The following SLAIN1 variants were observed in gnomAD, a reference collection of about 807,000 sequenced individuals.
SLAIN1 encodes the protein SLAIN motif-containing protein 1.
In SLAIN1, 17 loss-of-function variants were observed where a neutral mutation model predicts 55.4. That is an observed-to-expected ratio of 0.31 (90% CI 0.21 to 0.46). The LOEUF is 0.46. Ranked by LOEUF, SLAIN1 falls within the 20% of genes least tolerant of loss-of-function variation. The probability of loss-of-function intolerance (pLI) is 1.00; values close to 1 mark genes in which losing one functional copy is unlikely to be tolerated. For synonymous variants in SLAIN1, 348 were observed against 337.4 expected, an observed-to-expected ratio of 1.03 and a Z score of -0.35; for missense variants, 682 against 785.1, an observed-to-expected ratio of 0.87 and a Z score of 1.57.
intron 1 of SLAIN1, among the ~76,000 whole-genome samples, chr13:77,707,421 A>G (rs1350756700): frequency 2.0e-5 from 3 of 151,698 alleles, no homozygotes; most frequent in East Asian, 1.9e-4. Context: ...TCGTCTTGAC[A>G]TTTTCATCTG....
At chr13:77,761,245 C>T in intron 6 of SLAIN1, 135 bp downstream of exon 6, 2 of 848,054 alleles carry the variant, frequency 2.4e-6, no homozygotes, top group South Asian at 1.7e-5. Flanking sequence ...GTGCTCTCCT[C>T]CCTTTGAAAA....
intron 5 of SLAIN1, among the ~76,000 whole-genome samples, chr13:77,759,971 C>T (rs1236658124): frequency 6.6e-6 from 1 of 152,026 alleles, no homozygotes; most frequent in Non-Finnish European, 1.5e-5. Flanking sequence ...GGGTCTTTTT[C>T]CCCCTTATAT....
At chr13:77,726,748 T>C (rs955460129) in intron 2 of SLAIN1, among the ~76,000 whole-genome samples, 16 of 152,200 alleles carry the variant, frequency 1.1e-4, no homozygotes, top group Admixed American at 1.0e-3. Flanking sequence ...ATTGCAAAAC[T>C]TACTATCCTC....
intron 1 of SLAIN1, among the ~76,000 whole-genome samples, chr13:77,718,405 A>G (rs2091229039): frequency 6.6e-6 from 1 of 152,186 alleles, no homozygotes; most frequent in Admixed American, 6.5e-5. Context: ...TAGTTGTGAC[A>G]GAGATCATGT....
intron 2 of SLAIN1, among the ~76,000 whole-genome samples, chr13:77,731,401 G>C (rs910454994): frequency 4.6e-5 from 7 of 152,166 alleles, no homozygotes; most frequent in Non-Finnish European, 1.0e-4. Context: ...AGGAGCAAAA[G>C]AAACTTTTGC....
intron 4 of SLAIN1, among the ~76,000 whole-genome samples, chr13:77,752,108 T>C (rs1207468806): frequency 1.3e-5 from 2 of 152,158 alleles, no homozygotes; most frequent in Non-Finnish European, 2.9e-5. Context: ...TGGTCTTTTT[T>C]ATCTGCAAAC....
At chr13:77,740,990 T>TGC (rs994632253) in intron 2 of SLAIN1, among the ~76,000 whole-genome samples, 34 of 152,218 alleles carry the variant, frequency 2.2e-4, no homozygotes, top group African/African-American at 7.9e-4. Context: ...CATTCTTTCT[T>TGC]GCAATAGACG....
intron 6 of SLAIN1, 97 bp downstream of exon 6, chr13:77,761,207 T>A: frequency 8.3e-7 from 1 of 1,198,736 alleles, no homozygotes; most frequent in Non-Finnish European, 1.2e-6. Context: ...TTAACCTTAG[T>A]AAGACACTAC....
At position 77,698,786 on chromosome 13, in the gene SLAIN1, C is replaced by T. The variant is rs556471320; in HGVS notation, c.626+247C>T. 4 of 1,268,272 alleles carry T rather than the reference C, an allele frequency of 3.2e-6. No homozygotes were observed. The African/African-American group carries it at 6.0e-5, about 19-fold the overall frequency. The allele number at this position is 1,268,272 out of a possible 1,614,324, so 78.6% of individuals were successfully genotyped here. On this transcript the variant is annotated intron_variant, in intron 1 of 6. Transcript: ENST00000418532. This position sits in a 1 kb window ranked among gnomAD's most constrained non-coding sequence, Gnocchi z 4.1. ...CGGATGAACCGGCCCCCCCTTCCCC[C>T]CATCTGCCATGGGTTCTGCTATTTG...
At chr13:77,701,885 T>C (rs561473531) in intron 1 of SLAIN1, among the ~76,000 whole-genome samples, 42 of 149,162 alleles carry the variant, frequency 2.8e-4, no homozygotes, top group African/African-American at 1.0e-3. Flanking sequence ...TCATCTAGCA[T>C]TAGGTATATC....
At chr13:77,742,517 C>T (rs1274833125) in intron 2 of SLAIN1, among the ~76,000 whole-genome samples, 3 of 151,826 alleles carry the variant, frequency 2.0e-5, no homozygotes, top group African/African-American at 7.3e-5. Context: ...TAATCCAATA[C>T]TGAATTTACA....
intron 1 of SLAIN1, among the ~76,000 whole-genome samples, chr13:77,708,530 G>A (rs1288322241): frequency 2.0e-5 from 3 of 152,172 alleles, no homozygotes; most frequent in Non-Finnish European, 4.4e-5. Flanking sequence ...GCATCTGGCA[G>A]GTGCCCCTCT....
chr13:77,756,700 A>G (rs1248660018), intron 5 of SLAIN1, among the ~76,000 whole-genome samples: 2 of 152,146 alleles, frequency 1.3e-5, no homozygotes, highest in Non-Finnish European at 2.9e-5. Context: ...GAATAATCAC[A>G]TTTATACAAT....
intron 2 of SLAIN1, 137 bp from the exon 3 acceptor site, chr13:77,744,146 A>G (rs1301574630): frequency 1.4e-6 from 1 of 712,140 alleles, no homozygotes; most frequent in South Asian, 1.6e-5. Flanking sequence ...CACGTTGACC[A>G]TTAAATGGTG....
chr13:77,706,482 T>C (rs1270989115), intron 1 of SLAIN1, among the ~76,000 whole-genome samples: 3 of 152,136 alleles, frequency 2.0e-5, no homozygotes, highest in African/African-American at 7.2e-5. Context: ...GTCATACACA[T>C]TTGGCAGTCT....
chr13:77,713,252 G>A (rs1250489133), intron 1 of SLAIN1, among the ~76,000 whole-genome samples: 1 of 151,414 alleles, frequency 6.6e-6, no homozygotes, highest in Non-Finnish European at 1.5e-5. Context: ...CTACTGAATG[G>A]GAGAAAATTT....
At chr13:77,709,195 C>A (rs1201687854) in intron 1 of SLAIN1, among the ~76,000 whole-genome samples, 2 of 151,694 alleles carry the variant, frequency 1.3e-5, no homozygotes, top group South Asian at 4.2e-4. Context: ...TGAAATAAAG[C>A]ATGAAGACAA....
chr13:77,763,066 G>A lies in SLAIN1; in HGVS notation c.1698-79G>A, dbSNP rs1875175770. The A allele has an allele frequency of 3.4e-6, 4 of 1,191,236 alleles. No individual in the cohort carries two copies. In the Admixed American group the frequency reaches 5.3e-5, roughly 16 times the overall value. The allele number at this position is 1,191,236 out of a possible 1,614,324, so 73.8% of individuals were successfully genotyped here. A position where few individuals can be genotyped will look rare whatever the true frequency, so the allele number is the denominator to read the frequency against. On this transcript the variant is annotated intron_variant, in intron 6 of 6. Coordinates refer to ENST00000418532, the MANE Select transcript of SLAIN1 (RefSeq NM_001242868.2). Reference sequence around the variant, plus strand: ...TTACTGCAGTGGAAGAACATAGATGGGAGAGTAGGTCAAAGTGAGTGATGT... The same window carrying A: ...TTACTGCAGTGGAAGAACATAGATGAGAGAGTAGGTCAAAGTGAGTGATGT...
At chr13:77,708,860 C>G (rs1244852813) in intron 1 of SLAIN1, among the ~76,000 whole-genome samples, 3 of 151,970 alleles carry the variant, frequency 2.0e-5, no homozygotes, top group African/African-American at 7.3e-5. Context: ...TCTTCTCCTC[C>G]AAAGGATCAC....
Sources: allele counts gnomAD v4.1 joint callset (sites outside exome capture counted in the v4.1 genomes callset), GRCh38; gene constraint gnomAD v4.1.1; non-coding constraint Gnocchi (gnomAD v3.1); transcripts MANE v1.5; gene names NCBI Gene and HGNC (gene_info 2026-07-23, HGNC 2026-07-21).